ANO3: variants seen among roughly 807,000 people sequenced by gnomAD.
ANO3 encodes anoctamin 3, also known as anoctamin-3.
In ANO3, 99 loss-of-function variants were observed where a neutral mutation model predicts 144.8. That is an observed-to-expected ratio of 0.68 (90% CI 0.58 to 0.81). The LOEUF is 0.81. Among genes scored for constraint, ANO3 ranks in the 30% least tolerant of loss-of-function variants. The probability of loss-of-function intolerance (pLI) is 0.00; values close to 1 mark genes in which losing one functional copy is unlikely to be tolerated. For missense variants in ANO3, 905 were observed against 1,202.2 expected, an observed-to-expected ratio of 0.75 and a Z score of 3.66; for synonymous variants, 414 against 392.6, an observed-to-expected ratio of 1.05 and a Z score of -0.64.
chr11:26,201,762 G>GT (rs1255392086), intron 1 of ANO3, among the ~76,000 whole-genome samples: 1,779 of 128,586 alleles, frequency 0.014, 14 homozygotes, highest in South Asian at 0.018. Context: ...AGGAAGTTTT[G>GT]TTTTTTTTTT....
chr11:26,581,352 A>G (rs1851124974), intron 14 of ANO3, among the ~76,000 whole-genome samples: 2 of 151,272 alleles, frequency 1.3e-5, no homozygotes, highest in South Asian at 2.1e-4. Flanking sequence ...AACATACATA[A>G]GTTTAGGATT....
Position 26,663,271 on chromosome 11 carries a change from A to G in ANO3, c.*2827A>G, listed in dbSNP as rs1246836224. 5.3e-5 allele frequency: 8 copies of G among 152,054 alleles called. No individual in the cohort carries two copies. Among genetic ancestry groups the G allele is most frequent in the African/African-American group, 7.2e-5 (3 of 41,426 alleles). The allele number at this position is 152,054 out of a possible 1,614,324, so 9.4% of individuals were successfully genotyped here. A position where few individuals can be genotyped will look rare whatever the true frequency, so the allele number is the denominator to read the frequency against. ...AATAGAAAACTTTTTCACTCAATAA[A>G]TTATTATTTGATATGGTATTTTCCC... is the stretch of plus-strand genomic sequence containing the variant. On this transcript the variant is annotated 3_prime_UTR_variant, in exon 27 of 27. Transcript: ENST00000256737.
intron 14 of ANO3, among the ~76,000 whole-genome samples, chr11:26,591,934 T>G (rs574798425): frequency 6.6e-6 from 1 of 152,106 alleles, no homozygotes; most frequent in Non-Finnish European, 1.5e-5. Flanking sequence ...ATAAAATGAC[T>G]GGGTAGGGTC....
chr11:26,599,827 C>G, intron 17 of ANO3, 113 bp downstream of exon 17: 1 of 848,912 alleles, frequency 1.2e-6, no homozygotes, highest in Non-Finnish European at 1.7e-6. Flanking sequence ...TAAGACCAAG[C>G]CACATTTCTG....
At chr11:26,235,002 A>AAGAGAGAGAGAGAGAGAGATAG (rs1852485694) in intron 1 of ANO3, among the ~76,000 whole-genome samples, 1 of 140,166 alleles carries the variant, frequency 7.1e-6, no homozygotes, top group Non-Finnish European at 1.6e-5. Context: ...AGAGAAAAGA[A>AAGAGAGAGAGAGAGAGAGATAG]AGAGAGAGAG....
intron 14 of ANO3, chr11:26,572,271 C>G: frequency 1.0e-6 from 1 of 982,680 alleles, no homozygotes; most frequent in Non-Finnish European, 1.2e-6. Context: ...ATTAAGATAT[C>G]ACCTCATTCA....
intron 1 of ANO3, among the ~76,000 whole-genome samples, chr11:26,302,085 T>A (rs1292461565): frequency 6.6e-6 from 1 of 152,224 alleles, no homozygotes; most frequent in African/African-American, 2.4e-5. Flanking sequence ...CTTCCAGTCA[T>A]CATGTGCTGT....
intron 18 of ANO3, among the ~76,000 whole-genome samples, chr11:26,626,154 CTT>C (rs1366670567): frequency 1.2e-4 from 18 of 152,138 alleles, no homozygotes. Flanking sequence ...AATTTTGAAT[CTT>C]TTCTCATTTT....
At chr11:26,468,808 A>G (rs1329738039) in intron 4 of ANO3, among the ~76,000 whole-genome samples, 5 of 152,024 alleles carry the variant, frequency 3.3e-5, no homozygotes, top group African/African-American at 1.2e-4. Context: ...AAGATTATAC[A>G]TGAAATACTA....
intron 4 of ANO3, among the ~76,000 whole-genome samples, chr11:26,475,979 C>T (rs1381132138): frequency 1.3e-5 from 2 of 152,060 alleles, no homozygotes. Context: ...ACTCCTCCCC[C>T]CAGAGCTTCT....
At chr11:26,313,215 T>G (rs1311321372) in intron 1 of ANO3, among the ~76,000 whole-genome samples, 2 of 152,158 alleles carry the variant, frequency 1.3e-5, no homozygotes, top group African/African-American at 2.4e-5. Context: ...CATGTGTCCA[T>G]TCATTTATTC....
At chr11:26,515,530 T>C (rs1042686324) in intron 5 of ANO3, among the ~76,000 whole-genome samples, 1 of 151,916 alleles carries the variant, frequency 6.6e-6, no homozygotes, top group African/African-American at 2.4e-5. Context: ...TTTAGAAACA[T>C]TGGTAATACA....
intron 1 of ANO3, among the ~76,000 whole-genome samples, chr11:26,315,608 TCTC>T (rs1590254591): frequency 1.3e-5 from 2 of 152,110 alleles, no homozygotes; most frequent in East Asian, 3.9e-4. Context: ...TAAGAGATAT[TCTC>T]TTTTTTTTTT....
At chr11:26,568,847 T>C (rs1022927682) in intron 14 of ANO3, among the ~76,000 whole-genome samples, 1 of 152,054 alleles carries the variant, frequency 6.6e-6, no homozygotes, top group African/African-American at 2.4e-5. Context: ...CTCTGCAAAG[T>C]TCACAGCAAA....
chr11:26,558,190 A>G (rs978126561), intron 13 of ANO3, among the ~76,000 whole-genome samples: 7 of 152,218 alleles, frequency 4.6e-5, no homozygotes, highest in African/African-American at 1.4e-4. Flanking sequence ...ACAAACTATG[A>G]TAAGTTCATG....
intron 4 of ANO3, among the ~76,000 whole-genome samples, chr11:26,493,382 G>C (rs1422535549): frequency 6.6e-6 from 1 of 152,096 alleles, no homozygotes; most frequent in Non-Finnish European, 1.5e-5. Flanking sequence ...GGACTGCTGT[G>C]GACAGTTCCA....
At chr11:26,497,716 A>G (rs1191359798) in intron 4 of ANO3, among the ~76,000 whole-genome samples, 1 of 152,052 alleles carries the variant, frequency 6.6e-6, no homozygotes, top group African/African-American at 2.4e-5. Flanking sequence ...GAGCTCCTCA[A>G]GGGAAAGTGT....
chr11:26,391,172 C>A (rs1856868549), intron 1 of ANO3, among the ~76,000 whole-genome samples: 1 of 152,066 alleles, frequency 6.6e-6, no homozygotes, highest in Admixed American at 6.6e-5. Context: ...GAAGCTACAT[C>A]TAATGAGGGC....
chr11:26,344,740 C>T (rs1855457008), intron 1 of ANO3, among the ~76,000 whole-genome samples: 1 of 152,096 alleles, frequency 6.6e-6, no homozygotes, highest in African/African-American at 2.4e-5. Flanking sequence ...TGGTGCTTCT[C>T]TATTTCTCCC....
Sources: gnomAD v4.1 joint callset for allele counts (sites outside exome capture counted in the v4.1 genomes callset) on GRCh38, gnomAD v4.1.1 for gene constraint, MANE v1.5 for transcripts, NCBI Gene and HGNC (gene_info 2026-07-23, HGNC 2026-07-21) for gene names.